PTPRT: variants seen among roughly 807,000 people sequenced by gnomAD.
PTPRT encodes protein tyrosine phosphatase receptor type T, also known as receptor-type tyrosine-protein phosphatase T.
PTPRT carries 56 observed loss-of-function variants against 176.8 expected under a neutral mutation model. The ratio of observed to expected loss-of-function variants is 0.32; its 90% CI spans 0.26 to 0.40. PTPRT has a LOEUF of 0.40. Among genes scored for constraint, PTPRT ranks in the 10% least tolerant of loss-of-function variants. The pLI, the probability that PTPRT is intolerant of heterozygous loss-of-function variation, is 1.00. For synonymous variants in PTPRT, 783 were observed against 739.0 expected (o/e 1.06, Z -0.96); for missense variants, 1,540 against 1,908.2 (o/e 0.81, Z 3.60).
At chr20:42,451,508 A>G (rs1244680375) in intron 8 of PTPRT, among the ~76,000 whole-genome samples, 1 of 152,180 alleles carries the variant, frequency 6.6e-6, no homozygotes, top group Admixed American at 6.5e-5. Context: ...TATAGAGCAG[A>G]GAAAAAAAAA....
intron 1 of PTPRT, among the ~76,000 whole-genome samples, chr20:43,089,991 G>A (rs1446642738): frequency 3.3e-5 from 5 of 152,214 alleles, no homozygotes; most frequent in Admixed American, 6.5e-5. Context: ...ATGTCCAAGT[G>A]AAATCCGCCA....
At chr20:42,443,088 A>G (rs2059332295) in intron 9 of PTPRT, among the ~76,000 whole-genome samples, 1 of 152,236 alleles carries the variant, frequency 6.6e-6, no homozygotes, top group Non-Finnish European at 1.5e-5. Flanking sequence ...AATATTGTTT[A>G]GACGTCAGGT....
In PTPRT at chr20:42,812,375, T is replaced by C. The variant is rs537399376; in HGVS notation, c.215-20909A>G. 6.6e-5 allele frequency among the ~76,000 whole-genome samples: 10 copies of C among 152,284 alleles called. No homozygotes were observed. In the South Asian group the frequency reaches 1.7e-3, roughly 25 times the overall value. On this transcript the variant is annotated intron_variant, in intron 2 of 30. Transcript: ENST00000373187. Reference sequence around the variant, plus strand: ...CCCCAAAGAGAAATTTTGTAACCATTAAGTAATAACTCTTCATTCTCTCCT... The same window carrying C: ...CCCCAAAGAGAAATTTTGTAACCATCAAGTAATAACTCTTCATTCTCTCCT...
intron 12 of PTPRT, among the ~76,000 whole-genome samples, chr20:42,299,613 C>A (rs999192098): frequency 7.1e-5 from 10 of 140,386 alleles, no homozygotes; most frequent in Admixed American, 5.0e-4. Flanking sequence ...TGATGTTGGA[C>A]TAGAATGGAG....
At position 42,142,630 on chromosome 20, in the gene PTPRT, A is replaced by G. The variant is rs1988682454; in HGVS notation, c.2683-628T>C. 2.0e-5 allele frequency among the ~76,000 whole-genome samples: 3 copies of G among 152,296 alleles called. No homozygotes were observed. The South Asian group carries it at 6.2e-4, about 32-fold the overall frequency. On this transcript the variant is annotated intron_variant, in intron 17 of 30. Coordinates refer to ENST00000373187, the MANE Select transcript of PTPRT (RefSeq NM_007050.6). ...CTCCTGAAACCATGGATATTACCGA[A>G]CCCTATACATACTATGTTTTTTCTT...
chr20:42,085,629 AAC>A (rs752255288), intron 28 of PTPRT, 97 bp downstream of exon 28: 252 of 1,524,914 alleles, frequency 1.7e-4, no homozygotes, highest in Non-Finnish European at 3.5e-5. Flanking sequence ...AGGAGAGCAC[AAC>A]ACAGACTCTT....
intron 1 of PTPRT, among the ~76,000 whole-genome samples, chr20:42,991,132 G>T (rs1350234139): frequency 6.6e-6 from 1 of 152,132 alleles, no homozygotes; most frequent in Non-Finnish European, 1.5e-5. Context: ...GCTGAAAACA[G>T]TAAGAATTTG....
chr20:42,966,317 C>T (rs1350805887), intron 1 of PTPRT: 2 of 152,152 alleles, frequency 1.3e-5, no homozygotes, highest in Admixed American at 6.5e-5. Context: ...ATTAGCATGC[C>T]TGATGTTTAA....
chr20:42,898,063 T>C (rs938423683), intron 1 of PTPRT, among the ~76,000 whole-genome samples: 3 of 152,224 alleles, frequency 2.0e-5, no homozygotes, highest in Non-Finnish European at 4.4e-5. Context: ...TCAGGGCTAA[T>C]TGTGGTATGC....
At chr20:42,960,666 G>A (rs1481114024) in intron 1 of PTPRT, among the ~76,000 whole-genome samples, 2 of 152,000 alleles carry the variant, frequency 1.3e-5, no homozygotes, top group Admixed American at 6.6e-5. Context: ...ATCACACTAG[G>A]TACATGCACA....
intron 1 of PTPRT, among the ~76,000 whole-genome samples, chr20:43,111,892 AG>A (rs1254050064): frequency 1.3e-5 from 2 of 152,192 alleles, no homozygotes; most frequent in Non-Finnish European, 2.9e-5. Context: ...AGCCAACCAC[AG>A]CTTTTGTTTA....
chr20:42,798,131 C>T (rs2145575228), intron 2 of PTPRT, among the ~76,000 whole-genome samples: 1 of 152,284 alleles, frequency 6.6e-6, no homozygotes, highest in African/African-American at 2.4e-5. Context: ...TCCTGAAATC[C>T]ACGCCACCCA....
At chr20:42,231,115 C>G (rs1286333090) in intron 15 of PTPRT, among the ~76,000 whole-genome samples, 1 of 149,854 alleles carries the variant, frequency 6.7e-6, no homozygotes, top group Admixed American at 6.6e-5. Context: ...CAGCGGCCTC[C>G]TTACCAGCCT....
rs374862084 is a variant in PTPRT, at chr20:42,472,028, C to A, written c.1450+238G>T. On this transcript the variant is annotated intron_variant, in intron 8 of 30. Coordinates refer to ENST00000373187, the MANE Select transcript of PTPRT (RefSeq NM_007050.6). ...TAAAGCAAGAAGAGGGATGGGGGTA[C>A]AAAAGGGCCAAAGCTGAGTGCAAGT... Among the ~76,000 whole-genome samples the A allele has an allele frequency of 1.7e-3, 265 of 152,228 alleles. 1 individual carries two copies. The highest frequency in any genetic ancestry group is 0.01 in the Middle Eastern group (3 of 294).
chr20:43,152,019 A>C (rs1298315159), intron 1 of PTPRT, among the ~76,000 whole-genome samples: 1 of 152,218 alleles, frequency 6.6e-6, no homozygotes, highest in Non-Finnish European at 1.5e-5. Context: ...AAGAATTTGG[A>C]GCTTCTTTTT....
chr20:42,172,069 G>T (rs1202112950), intron 16 of PTPRT, among the ~76,000 whole-genome samples: 1 of 152,046 alleles, frequency 6.6e-6, no homozygotes, highest in Admixed American at 6.6e-5. Context: ...AATACATTTA[G>T]ATTGATTAAA....
At chr20:42,098,279 T>G (rs1985488527) in intron 27 of PTPRT, 142 bp downstream of exon 27, 4 of 1,176,948 alleles carry the variant, frequency 3.4e-6, no homozygotes, top group Non-Finnish European at 3.5e-6. Context: ...ATGGCTTGTC[T>G]GATGCTCGTG....
chr20:42,526,956 C>CTTTTTTTTTTTT (rs915511549), intron 7 of PTPRT, among the ~76,000 whole-genome samples: 4 of 78,716 alleles, frequency 5.1e-5, no homozygotes, highest in Non-Finnish European at 9.3e-5. Context: ...GTTCTTTTTT[C>CTTTTTTTTTTTT]TTTTTTTTTT....
intron 1 of PTPRT, among the ~76,000 whole-genome samples, chr20:42,987,144 C>T (rs1020340465): frequency 2.6e-5 from 4 of 152,254 alleles, no homozygotes; most frequent in African/African-American, 7.2e-5. Context: ...TGTTTCCACC[C>T]ATCCTCGCCC....
Sources: gnomAD v4.1 joint callset for allele counts (sites outside exome capture counted in the v4.1 genomes callset) on GRCh38, gnomAD v4.1.1 for gene constraint, MANE v1.5 for transcripts, NCBI Gene and HGNC (gene_info 2026-07-23, HGNC 2026-07-21) for gene names.